Variants in RGS7 observed in about 807,000 individuals in gnomAD.
The protein encoded by RGS7 is regulator of G protein signaling 7, also known as regulator of G-protein signaling 7.
A neutral mutation model predicts 81.1 loss-of-function variants in RGS7; 27 were observed. The observed-to-expected ratio is 0.33, with a 90% CI of 0.25 to 0.46. The LOEUF (loss-of-function observed/expected upper bound fraction) is 0.46, where lower values mean the gene tolerates loss of function less well. RGS7 is among the 20% of genes least tolerant of loss of function. RGS7 has a pLI of 1.00. For synonymous variants in RGS7, 208 were observed against 207.7 expected, an observed-to-expected ratio of 1.00 and a Z score of -0.01; for missense variants, 396 against 607.4, an observed-to-expected ratio of 0.65 and a Z score of 3.66.
chr1:241,029,310 C>T (rs1016125586), intron 3 of RGS7, among the ~76,000 whole-genome samples: 6 of 151,980 alleles, frequency 3.9e-5, no homozygotes, highest in Non-Finnish European at 8.8e-5. Flanking sequence ...TTTTCAGCAC[C>T]CTTTTATAAA....
At chr1:240,883,042 T>G (rs1445424733) in intron 6 of RGS7, among the ~76,000 whole-genome samples, 1 of 152,170 alleles carries the variant, frequency 6.6e-6, no homozygotes, top group East Asian at 1.9e-4. Context: ...GTTTCCAGTT[T>G]CATCCATGTC....
At chr1:241,288,775 CT>C (rs2078949155) in intron 2 of RGS7, among the ~76,000 whole-genome samples, 1 of 152,150 alleles carries the variant, frequency 6.6e-6, no homozygotes, top group African/African-American at 2.4e-5. Context: ...CCCAAAGCCT[CT>C]GGTCAAGAAA....
chr1:241,151,203 CAAGTT>C (rs2068724420), intron 2 of RGS7, among the ~76,000 whole-genome samples: 1 of 152,204 alleles, frequency 6.6e-6, no homozygotes, highest in African/African-American at 2.4e-5. Context: ...TCAATCTAGT[CAAGTT>C]GACACCTAAA....
chr1:241,099,875 T>C (rs2064587946), intron 2 of RGS7, among the ~76,000 whole-genome samples: 1 of 152,202 alleles, frequency 6.6e-6, no homozygotes, highest in South Asian at 2.1e-4. Context: ...CTGAGTAAAG[T>C]ATGTAGTTTA....
intron 2 of RGS7, among the ~76,000 whole-genome samples, chr1:241,346,441 T>C (rs139165398): frequency 1.3e-5 from 2 of 152,326 alleles, no homozygotes; most frequent in African/African-American, 2.4e-5. Context: ...GAATGTCCTG[T>C]CCATTCACTC....
At chr1:240,900,916 C>T (rs1558437654) in intron 6 of RGS7, among the ~76,000 whole-genome samples, 1 of 152,168 alleles carries the variant, frequency 6.6e-6, no homozygotes, top group Non-Finnish European at 1.5e-5. Context: ...GGCAGGCAGG[C>T]CTTCTTGAGC....
chr1:240,934,008 G>C (rs1676159548), intron 5 of RGS7, among the ~76,000 whole-genome samples: 2 of 152,064 alleles, frequency 1.3e-5, no homozygotes, highest in Admixed American at 1.3e-4. Flanking sequence ...CTGTCACCCA[G>C]GCTGGAGTGC....
At chr1:241,143,983 T>G (rs74992336) in intron 2 of RGS7, among the ~76,000 whole-genome samples, 16,776 of 152,160 alleles carry the variant, frequency 0.11, 1,152 homozygotes, top group Middle Eastern at 0.18. Flanking sequence ...AGTGCCTTGA[T>G]CTTAGTACTT....
At chr1:241,086,810 C>G (rs1453476914) in intron 3 of RGS7, among the ~76,000 whole-genome samples, 1 of 152,114 alleles carries the variant, frequency 6.6e-6, no homozygotes, top group Non-Finnish European at 1.5e-5. Flanking sequence ...GTGCAAAGGT[C>G]ACGCGACAAT....
intron 2 of RGS7, among the ~76,000 whole-genome samples, chr1:241,138,913 C>CTGTAATACA (rs1261308035): frequency 6.6e-6 from 1 of 152,074 alleles, no homozygotes; most frequent in Non-Finnish European, 1.5e-5. Context: ...AGGCTTTTTT[C>CTGTAATACA]TGTAATACAT....
intron 2 of RGS7, among the ~76,000 whole-genome samples, chr1:241,117,227 GC>G (rs1422590699): frequency 6.6e-6 from 1 of 152,170 alleles, no homozygotes; most frequent in Non-Finnish European, 1.5e-5. Flanking sequence ...CCATTTGATT[GC>G]ACACAGTGAT....
chr1:241,106,752 CCACACA>C (rs778017157), intron 2 of RGS7, among the ~76,000 whole-genome samples: 11 of 121,682 alleles, frequency 9.0e-5, no homozygotes, highest in Admixed American at 4.6e-4. Flanking sequence ...AACACCACCA[CCACACA>C]CACACACACA....
chr1:241,309,235 A>C (rs2080355547), intron 2 of RGS7, among the ~76,000 whole-genome samples: 1 of 151,926 alleles, frequency 6.6e-6, no homozygotes, highest in South Asian at 2.1e-4. Flanking sequence ...AAAAATACAA[A>C]ATTAGCCGGG....
intron 14 of RGS7, among the ~76,000 whole-genome samples, chr1:240,810,477 T>G (rs1390501705): frequency 6.6e-6 from 1 of 150,604 alleles, no homozygotes; most frequent in Non-Finnish European, 1.5e-5. Context: ...GACAGAGTCT[T>G]GCTCTGTTGC....
intron 2 of RGS7, among the ~76,000 whole-genome samples, chr1:241,343,887 A>C (rs1252516522): frequency 1.3e-5 from 2 of 152,158 alleles, no homozygotes; most frequent in South Asian, 2.1e-4. Context: ...AAAAACAAAA[A>C]AAAGAAAAAG....
At chr1:241,013,131 C>T (rs1245728584) in intron 3 of RGS7, among the ~76,000 whole-genome samples, 2 of 142,422 alleles carry the variant, frequency 1.4e-5, no homozygotes, top group Non-Finnish European at 3.0e-5. Context: ...GGTGTGATCT[C>T]GGCTCACCGC....
chr1:240,797,311 A>G (rs6663051), intron 18 of RGS7, among the ~76,000 whole-genome samples: 93,835 of 152,078 alleles, frequency 0.62, 29,261 homozygotes, highest in Non-Finnish European at 0.66. Flanking sequence ...TAATGTTTGC[A>G]TAGCAGACAG....
At chr1:240,930,927 G>A (rs925604363) in intron 5 of RGS7, among the ~76,000 whole-genome samples, 159 bp from the exon 6 acceptor site, 2 of 152,110 alleles carry the variant, frequency 1.3e-5, no homozygotes, top group Non-Finnish European at 2.9e-5. Flanking sequence ...AAAACTCTTT[G>A]TCTACATGTA....
chr1:241,295,260 A>C (rs528494715), intron 2 of RGS7, among the ~76,000 whole-genome samples: 1 of 151,788 alleles, frequency 6.6e-6, no homozygotes, highest in South Asian at 2.1e-4. Flanking sequence ...CAGCCTGACG[A>C]ACATGATGAA....
Sources: allele counts gnomAD v4.1 joint callset (sites outside exome capture counted in the v4.1 genomes callset), GRCh38; gene constraint gnomAD v4.1.1; transcripts MANE v1.5; gene names NCBI Gene and HGNC (gene_info 2026-07-23, HGNC 2026-07-21).